DLG2: variants seen among roughly 807,000 people sequenced by gnomAD.
DLG2 encodes the protein discs large MAGUK scaffold protein 2.
In DLG2, 45 loss-of-function variants were observed where a neutral mutation model predicts 132.5. That is an observed-to-expected ratio of 0.34 (90% CI 0.27 to 0.44). The LOEUF is 0.44. Among genes scored for constraint, DLG2 ranks in the 20% least tolerant of loss-of-function variants. The pLI, the probability that DLG2 is intolerant of heterozygous loss-of-function variation, is 1.00. For missense variants in DLG2, 1,045 were observed against 1,196.9 expected (o/e 0.87, Z 1.87); for synonymous variants, 424 against 419.6 (o/e 1.01, Z -0.13).
chr11:83,481,655 A>AGTT (rs2093120634), intron 22 of DLG2, among the ~76,000 whole-genome samples: 2 of 152,112 alleles, frequency 1.3e-5, no homozygotes, highest in Non-Finnish European at 2.9e-5. Context: ...TAATTTGGGC[A>AGTT]CATGTTTTGC....
intron 19 of DLG2, among the ~76,000 whole-genome samples, chr11:83,618,052 C>T (rs1018753290): frequency 5.9e-5 from 9 of 152,166 alleles, no homozygotes; most frequent in East Asian, 3.9e-4. Flanking sequence ...TTATTTTTCA[C>T]GTTTTCTAAG....
intron 6 of DLG2, among the ~76,000 whole-genome samples, chr11:84,759,571 C>G (rs1028399490): frequency 6.6e-6 from 1 of 152,186 alleles, no homozygotes; most frequent in Non-Finnish European, 1.5e-5. Flanking sequence ...ACTCAGTCAA[C>G]TGATTCCAAA....
chr11:85,508,526 T>C (rs1429210917), intron 3 of DLG2, among the ~76,000 whole-genome samples: 1 of 152,066 alleles, frequency 6.6e-6, no homozygotes, highest in Non-Finnish European at 1.5e-5. Flanking sequence ...CCAGCTGACC[T>C]ATTAAATACT....
intron 7 of DLG2, among the ~76,000 whole-genome samples, chr11:84,325,615 A>G (rs1323073371): frequency 6.6e-6 from 1 of 152,196 alleles, no homozygotes; most frequent in East Asian, 1.9e-4. Flanking sequence ...TGGCCATGGT[A>G]TATGATCTTT....
At chr11:84,744,337 T>G (rs2153827474) in intron 6 of DLG2, among the ~76,000 whole-genome samples, 1 of 152,336 alleles carries the variant, frequency 6.6e-6, no homozygotes, top group South Asian at 2.1e-4. Flanking sequence ...GCCTTTGAAG[T>G]GCAGGTGGGG....
intron 4 of DLG2, among the ~76,000 whole-genome samples, chr11:85,193,253 G>A (rs998415850): frequency 6.6e-6 from 1 of 152,038 alleles, no homozygotes; most frequent in African/African-American, 2.4e-5. Context: ...AGCAGCACAC[G>A]CTTTTTATGG....
intron 17 of DLG2, among the ~76,000 whole-genome samples, chr11:83,814,009 T>G (rs1344485124): frequency 6.6e-6 from 1 of 152,178 alleles, no homozygotes; most frequent in Non-Finnish European, 1.5e-5. Context: ...TTTTTCTTTA[T>G]GTGCACTTTT....
intron 11 of DLG2, among the ~76,000 whole-genome samples, chr11:84,022,021 A>G (rs2095410948): frequency 6.6e-6 from 1 of 152,172 alleles, no homozygotes; most frequent in Admixed American, 6.6e-5. Context: ...TGCTGGGATT[A>G]CAGGTGTGAG....
At chr11:84,978,795 A>G (rs1448883894) in intron 6 of DLG2, among the ~76,000 whole-genome samples, 2 of 152,232 alleles carry the variant, frequency 1.3e-5, no homozygotes, top group African/African-American at 2.4e-5. Context: ...AATGGCAACA[A>G]AAGCCAAAAT....
chr11:84,904,544 T>G (rs933449097), intron 6 of DLG2, among the ~76,000 whole-genome samples: 1 of 152,216 alleles, frequency 6.6e-6, no homozygotes, highest in Non-Finnish European at 1.5e-5. Flanking sequence ...GTTCGCTACT[T>G]CTTTTGCTAG....
chr11:85,315,326 C>T (rs143944290), intron 3 of DLG2, among the ~76,000 whole-genome samples: 23 of 152,072 alleles, frequency 1.5e-4, no homozygotes, highest in African/African-American at 4.8e-4. Flanking sequence ...TCCTGTCTTG[C>T]CATCCTGTTT....
chr11:83,671,485 T>G (rs180988268), intron 18 of DLG2, among the ~76,000 whole-genome samples: 3 of 152,272 alleles, frequency 2.0e-5, no homozygotes, highest in African/African-American at 7.2e-5. Context: ...ACTAATGAGC[T>G]CCCTCTGGTG....
intron 6 of DLG2, among the ~76,000 whole-genome samples, chr11:84,732,992 A>G (rs1299336606): frequency 6.6e-6 from 1 of 152,170 alleles, no homozygotes; most frequent in Non-Finnish European, 1.5e-5. Context: ...ATGGCTGCAT[A>G]GTATTCCATG....
At chr11:83,737,646 A>C (rs2092076410) in intron 18 of DLG2, among the ~76,000 whole-genome samples, 1 of 152,228 alleles carries the variant, frequency 6.6e-6, no homozygotes, top group African/African-American at 2.4e-5. Context: ...ATAATTGTTA[A>C]ATGAATAATT....
intron 10 of DLG2, among the ~76,000 whole-genome samples, chr11:84,061,005 C>G (rs7927619): frequency 0.79 from 120,845 of 152,082 alleles, 49,248 homozygotes; most frequent in Middle Eastern, 0.92. Flanking sequence ...CAGTGGCCAG[C>G]GTACAGTGAA....
chr11:84,651,878 A>G (rs2099682454), intron 6 of DLG2, among the ~76,000 whole-genome samples: 1 of 152,208 alleles, frequency 6.6e-6, no homozygotes, highest in Non-Finnish European at 1.5e-5. Flanking sequence ...AAGACCCCAA[A>G]GAGTCATGAG....
chr11:84,840,370 G>C (rs886251524), intron 6 of DLG2, among the ~76,000 whole-genome samples: 1 of 152,150 alleles, frequency 6.6e-6, no homozygotes, highest in African/African-American at 2.4e-5. Flanking sequence ...GGAGATATAG[G>C]AATGCTTTTA....
rs1471993458 is a variant in DLG2, at chr11:84,536,428, C to T, written c.358-1697G>A. On this transcript the variant is annotated intron_variant, in intron 6 of 27. Transcript: ENST00000376104. ...CTGCTTAGTAGAAAAAAAAAAATCA[C>T]TGAGAATACACGACACAATGAGGTT... 1.3e-5 allele frequency among the ~76,000 whole-genome samples: 2 copies of T among 152,074 alleles called. 1 individual carries two copies. The highest frequency in any genetic ancestry group is 2.9e-5 in the Non-Finnish European group (2 of 68,008).
chr11:84,531,742 G>A (rs2099342031), intron 7 of DLG2, among the ~76,000 whole-genome samples: 1 of 152,132 alleles, frequency 6.6e-6, no homozygotes, highest in Non-Finnish European at 1.5e-5. Flanking sequence ...TTCATAGTTG[G>A]CTGTTCTTAA....
Sources: gnomAD v4.1 joint callset for allele counts (sites outside exome capture counted in the v4.1 genomes callset) on GRCh38, gnomAD v4.1.1 for gene constraint, MANE v1.5 for transcripts, NCBI Gene and HGNC (gene_info 2026-07-23, HGNC 2026-07-21) for gene names.